PTPRD: variants seen among roughly 807,000 people sequenced by gnomAD.
PTPRD encodes protein tyrosine phosphatase receptor type D.
Under a neutral mutation model 214.5 loss-of-function variants are expected in PTPRD, and 34 were observed. That is an observed-to-expected ratio of 0.16 (90% CI 0.12 to 0.21). PTPRD has a LOEUF of 0.21. Ranked by LOEUF, PTPRD falls within the 10% of genes least tolerant of loss-of-function variation. PTPRD has a pLI of 1.00. For synonymous variants in PTPRD, 1,128 were observed against 845.7 expected (o/e 1.33, Z -5.79); for missense variants, 2,545 against 2,398.7 (o/e 1.06, Z -1.27).
chr9:10,309,960 A>C (rs991169261), intron 3 of PTPRD, among the ~76,000 whole-genome samples: 6 of 152,100 alleles, frequency 3.9e-5, no homozygotes, highest in Non-Finnish European at 8.8e-5. Flanking sequence ...AGCATGTCAT[A>C]AAACTTTTAA....
At position 9,652,411 on chromosome 9, in the gene PTPRD, A is replaced by C. The variant is rs142516850; in HGVS notation, c.-286-77630T>G. ...TTTTTATAACCTTATCTCCTACATA[A>C]TGAAACGTAGGAACTTGTAGTTGGG... On this transcript the variant is annotated intron_variant, in intron 7 of 45. Transcript: ENST00000381196. 1.3e-4 allele frequency among the ~76,000 whole-genome samples: 20 copies of C among 152,252 alleles called. No individual in the cohort carries two copies. The East Asian group carries it at 3.7e-3, about 28-fold the overall frequency.
intron 8 of PTPRD, among the ~76,000 whole-genome samples, chr9:9,412,279 T>C (rs1441980937): frequency 6.6e-6 from 1 of 152,208 alleles, no homozygotes; most frequent in African/African-American, 2.4e-5. Context: ...AATTTGGTAT[T>C]TGTGGCAAGT....
intron 4 of PTPRD, among the ~76,000 whole-genome samples, chr9:10,011,729 T>C (rs1417836257): frequency 2.6e-5 from 4 of 152,014 alleles, no homozygotes; most frequent in African/African-American, 7.2e-5. Context: ...TGATTACAAG[T>C]TTGAGAAGAA....
chr9:9,956,001 T>C (rs2093900029), intron 4 of PTPRD, among the ~76,000 whole-genome samples: 1 of 152,134 alleles, frequency 6.6e-6, no homozygotes, highest in South Asian at 2.1e-4. Context: ...ACAATAATTA[T>C]TTGAGGCAGG....
At chr9:9,120,435 A>G (rs2099816526) in intron 10 of PTPRD, among the ~76,000 whole-genome samples, 1 of 152,204 alleles carries the variant, frequency 6.6e-6, no homozygotes, top group South Asian at 2.1e-4. Flanking sequence ...CCTCATTACC[A>G]TCAATTATCA....
intron 5 of PTPRD, among the ~76,000 whole-genome samples, chr9:9,823,862 C>G (rs1488216444): frequency 6.6e-6 from 1 of 151,934 alleles, no homozygotes. Flanking sequence ...ATTAGAGGAG[C>G]AAATCTGAAA....
intron 12 of PTPRD, among the ~76,000 whole-genome samples, chr9:8,637,222 T>C (rs182763043): frequency 4.9e-4 from 74 of 152,302 alleles, no homozygotes; most frequent in African/African-American, 1.7e-3. Flanking sequence ...CTTGCTTTGA[T>C]GCCACTATCA....
intron 9 of PTPRD, among the ~76,000 whole-genome samples, chr9:9,228,037 T>C (rs1229228925): frequency 6.6e-6 from 1 of 152,166 alleles, no homozygotes; most frequent in Non-Finnish European, 1.5e-5. Context: ...GCAGGCTGTC[T>C]ATATCATGTC....
At chr9:8,739,415 T>C (rs2154443419) in intron 11 of PTPRD, among the ~76,000 whole-genome samples, 1 of 152,374 alleles carries the variant, frequency 6.6e-6, no homozygotes, top group East Asian at 1.9e-4. Flanking sequence ...CATTGACTAA[T>C]AATTGACCAC....
At chr9:9,614,071 A>T in intron 7 of PTPRD, among the ~76,000 whole-genome samples, 1 of 152,000 alleles carries the variant, frequency 6.6e-6, no homozygotes, top group East Asian at 1.9e-4. Context: ...TCTGGCATAT[A>T]ATAAATAATC....
rs12004679 is a variant in PTPRD at position 10,601,859 on chromosome 9, C to A, written c.-600+10539G>T. 8.1e-3 allele frequency among the ~76,000 whole-genome samples: 1,226 copies of A among 151,728 alleles called. 19 individuals carry two copies. Among genetic ancestry groups the A allele is most frequent in the African/African-American group, 0.028 (1,146 of 41,442 alleles). On this transcript the variant is annotated intron_variant, in intron 2 of 45. Coordinates refer to ENST00000381196, the MANE Select transcript of PTPRD (RefSeq NM_002839.4). ...GCTCAGGTTGGCATATTTTCTACTC[C>A]TTAATTCTCATTTACAACTGAAAAT...
chr9:8,793,766 T>C (rs755287699), intron 11 of PTPRD, among the ~76,000 whole-genome samples: 7 of 152,160 alleles, frequency 4.6e-5, no homozygotes, highest in Non-Finnish European at 7.3e-5. Flanking sequence ...AGTGCTTTAT[T>C]TGGATATTAG....
At chr9:9,618,661 G>C (rs1470250417) in intron 7 of PTPRD, among the ~76,000 whole-genome samples, 2 of 152,130 alleles carry the variant, frequency 1.3e-5, no homozygotes, top group African/African-American at 2.4e-5. Context: ...TTATCTTTGG[G>C]ATGTGTTTAA....
intron 12 of PTPRD, among the ~76,000 whole-genome samples, chr9:8,709,827 G>A (rs2098292338): frequency 6.6e-6 from 1 of 152,146 alleles, no homozygotes; most frequent in African/African-American, 2.4e-5. Context: ...TATGTTTGGT[G>A]TGCTAAGGGA....
chr9:10,600,488 C>T lies in PTPRD; in HGVS notation c.-600+11910G>A, dbSNP rs1253414654. Among the ~76,000 whole-genome samples the T allele has an allele frequency of 4.0e-5, 6 of 151,718 alleles. No individual in the cohort carries two copies. In the East Asian group the frequency reaches 1.2e-3, roughly 29 times the overall value. ...GAGCAACATCTCCAGCAACAAAGAC[C>T]TGGAGCTCAGCCAATCTGTGAGCAA... On this transcript the variant is annotated intron_variant, in intron 2 of 45. Transcript: ENST00000381196.
At chr9:9,889,930 A>G (rs1040868928) in intron 5 of PTPRD, among the ~76,000 whole-genome samples, 11 of 151,976 alleles carry the variant, frequency 7.2e-5, no homozygotes, top group Admixed American at 5.9e-4. Context: ...ACTTTCCTGA[A>G]GAACGGCAGA....
At chr9:10,009,724 G>A (rs756720353) in intron 4 of PTPRD, among the ~76,000 whole-genome samples, 21 of 151,988 alleles carry the variant, frequency 1.4e-4, no homozygotes, top group Non-Finnish European at 2.2e-4. Context: ...AGTTTCTCCC[G>A]CAAAGGACAG....
intron 8 of PTPRD, among the ~76,000 whole-genome samples, chr9:9,474,146 A>T (rs957739286): frequency 6.6e-6 from 1 of 152,020 alleles, no homozygotes; most frequent in Non-Finnish European, 1.5e-5. Context: ...ATGGTGAGAG[A>T]TAGGGGTTTA....
chr9:9,414,680 A>G (rs2076493442), intron 8 of PTPRD: 1 of 152,204 alleles, frequency 6.6e-6, no homozygotes, highest in Admixed American at 6.5e-5. Flanking sequence ...TTTTGACAGG[A>G]CAATTTACCC....
Sources: allele counts gnomAD v4.1 joint callset (sites outside exome capture counted in the v4.1 genomes callset), GRCh38; gene constraint gnomAD v4.1.1; transcripts MANE v1.5; gene names NCBI Gene and HGNC (gene_info 2026-07-23, HGNC 2026-07-21).